The following SLC24A4 variants were observed in gnomAD, a reference collection of about 807,000 sequenced individuals.
SLC24A4 encodes the protein sodium/potassium/calcium exchanger 4.
In SLC24A4, 53 loss-of-function variants were observed where a neutral mutation model predicts 79.0. The observed-to-expected ratio is 0.67, with a 90% CI of 0.54 to 0.84. The LOEUF is 0.84. SLC24A4 is among the 40% of genes least tolerant of loss of function. The pLI is 0.00. For missense variants in SLC24A4, 731 were observed against 822.0 expected (o/e 0.89, Z 1.35); for synonymous variants, 323 against 323.8 (o/e 1.00, Z 0.03).
intron 2 of SLC24A4, among the ~76,000 whole-genome samples, chr14:92,372,753 C>T (rs1308458447): frequency 1.3e-5 from 2 of 152,124 alleles, no homozygotes; most frequent in Admixed American, 6.5e-5. Context: ...ACTTGTCCCT[C>T]ATGTGTCAAG....
chr14:92,410,495 A>G (rs1237466691), intron 2 of SLC24A4, among the ~76,000 whole-genome samples: 2 of 152,154 alleles, frequency 1.3e-5, no homozygotes, highest in African/African-American at 2.4e-5. Flanking sequence ...CTAGTTTTGT[A>G]AGGTACCTTT....
At chr14:92,354,932 C>T (rs553912401) in intron 2 of SLC24A4, among the ~76,000 whole-genome samples, 22 of 152,200 alleles carry the variant, frequency 1.4e-4, no homozygotes, top group Middle Eastern at 3.4e-3. Flanking sequence ...AAATTGGCCA[C>T]GGATGGTGGT....
intron 1 of SLC24A4, among the ~76,000 whole-genome samples, chr14:92,324,181 G>T (rs1022585718): frequency 4.6e-5 from 7 of 152,214 alleles, no homozygotes; most frequent in East Asian, 1.9e-4. Context: ...CCCCTGGGGG[G>T]GCTCAGGACG....
chr14:92,437,310 T>G (rs957316453), intron 3 of SLC24A4, among the ~76,000 whole-genome samples: 2 of 152,210 alleles, frequency 1.3e-5, no homozygotes, highest in Admixed American at 1.3e-4. Flanking sequence ...GATATTTTAC[T>G]GGCCAATTTG....
chr14:92,351,898 AAAGG>A (rs774953718), intron 2 of SLC24A4, among the ~76,000 whole-genome samples: 89 of 140,112 alleles, frequency 6.4e-4, no homozygotes, highest in Non-Finnish European at 1.1e-3. Context: ...GGAAGGAAGG[AAAGG>A]AAGGAAGGAA....
chr14:92,482,809 T>C lies in SLC24A4; in HGVS notation c.1385T>C (p.Leu462Pro). 2 of 1,613,720 alleles carry C rather than the reference T, an allele frequency of 1.2e-6. No homozygotes were observed. The highest frequency in any genetic ancestry group is 2.2e-5 in the South Asian group (2 of 91,044). The change falls in exon 13 of 17, where the codon CTG becomes CCG. Residue 462 changes from leucine (L) to proline (P), a missense_variant. Physicochemically the swap from Leu to Pro is moderately conservative, Grantham distance 98 (BLOSUM62 -3). Coordinates refer to ENST00000532405, the MANE Select transcript of SLC24A4 (RefSeq NM_153646.4). Reference protein sequence around the residue: ...FFMVTFITATLWIAVFSYIMV... With the variant: ...FFMVTFITATPWIAVFSYIMV... ...ATGGTCACCTTCATCACCGCCACGC[T>C]GTGGATCGCTGTGTTCTCCTACATC...
chr14:92,377,952 C>T (rs908378564), intron 2 of SLC24A4, among the ~76,000 whole-genome samples: 6 of 146,492 alleles, frequency 4.1e-5, no homozygotes, highest in East Asian at 2.0e-4. Flanking sequence ...AAAGGGGGGA[C>T]GATGAAGGTC....
rs768049387 is a variant in SLC24A4 at position 92,447,381 on chromosome 14, C to G, written c.694C>G (p.Leu232Val). Residue 232 changes from leucine (L) to valine (V), a missense_variant, in exon 9 of 17, where the codon CTG becomes GTG. Leu to Val is a conservative substitution (Grantham distance 32). Coordinates refer to ENST00000532405, the MANE Select transcript of SLC24A4 (RefSeq NM_153646.4). Reference sequence around the variant, plus strand: ...CTTTCTCTCTTTGAGGTGGGAAGGCCTGGTGCTCATCATCTTGTATGTGTT... The same window carrying G: ...CTTTCTCTCTTTGAGGTGGGAAGGCGTGGTGCTCATCATCTTGTATGTGTT... ...YDEQIVWWEG[L>V]VLIILYVFYI... The G allele has an allele frequency of 5.6e-6, 9 of 1,614,010 alleles. No individual in the cohort carries two copies. In the South Asian group the frequency reaches 9.9e-5, roughly 18 times the overall value.
chr14:92,354,449 C>T (rs1477713824), intron 2 of SLC24A4, among the ~76,000 whole-genome samples: 1 of 152,112 alleles, frequency 6.6e-6, no homozygotes, highest in Non-Finnish European at 1.5e-5. Flanking sequence ...CCATGCCTGG[C>T]CTGTAGCAGC....
At chr14:92,324,231 G>A (rs1180331692) in intron 1 of SLC24A4, among the ~76,000 whole-genome samples, 1 of 152,202 alleles carries the variant, frequency 6.6e-6, no homozygotes, top group Non-Finnish European at 1.5e-5. Context: ...AGCAAGAACC[G>A]CTTCCGTCCC....
chr14:92,469,050 C>A (rs1033409246), intron 12 of SLC24A4, among the ~76,000 whole-genome samples: 1 of 152,094 alleles, frequency 6.6e-6, no homozygotes, highest in African/African-American at 2.4e-5. Flanking sequence ...CAAAGATGCT[C>A]ACATCATTAG....
At chr14:92,435,217 G>C (rs1892101385) in intron 3 of SLC24A4, among the ~76,000 whole-genome samples, 1 of 152,140 alleles carries the variant, frequency 6.6e-6, no homozygotes, top group Non-Finnish European at 1.5e-5. Context: ...ATGGTGGAAG[G>C]GGGGTCAGGT....
chr14:92,324,193 G>T (rs547647548), intron 1 of SLC24A4, among the ~76,000 whole-genome samples: 1 of 152,322 alleles, frequency 6.6e-6, no homozygotes, highest in East Asian at 1.9e-4. Flanking sequence ...CTCAGGACGC[G>T]GCTGCAGGTG....
intron 2 of SLC24A4, among the ~76,000 whole-genome samples, chr14:92,392,816 T>C (rs1337529916): frequency 6.8e-6 from 1 of 146,154 alleles, no homozygotes; most frequent in Non-Finnish European, 1.6e-5. Flanking sequence ...AGGCGCCATC[T>C]GTGAGGAATA....
intron 2 of SLC24A4, among the ~76,000 whole-genome samples, chr14:92,363,760 G>T (rs1051116489): frequency 8.5e-5 from 13 of 152,108 alleles, no homozygotes; most frequent in Non-Finnish European, 1.2e-4. Context: ...AACCCGGGAG[G>T]TGCAGGTTGC....
intron 12 of SLC24A4, among the ~76,000 whole-genome samples, chr14:92,463,794 A>G (rs1379740369): frequency 1.3e-5 from 2 of 152,086 alleles, no homozygotes; most frequent in Non-Finnish European, 2.9e-5. Context: ...CCCCTCACCC[A>G]TAACTGCCCT....
At chr14:92,463,769 A>G (rs557887143) in intron 12 of SLC24A4, among the ~76,000 whole-genome samples, 9 of 152,196 alleles carry the variant, frequency 5.9e-5, no homozygotes, top group Non-Finnish European at 1.3e-4. Context: ...AACATTTCCA[A>G]CACCCCAAAA....
In SLC24A4 at chr14:92,469,846, C is replaced by T. The variant is rs115946527; in HGVS notation, c.1256-12834C>T. Among the ~76,000 whole-genome samples, 1,090 of 152,216 alleles carry T rather than the reference C, an allele frequency of 7.2e-3. 11 individuals carry two copies. The highest frequency in any genetic ancestry group is 0.024 in the African/African-American group (997 of 41,516). On this transcript the variant is annotated intron_variant, in intron 12 of 16. Coordinates refer to ENST00000532405, the MANE Select transcript of SLC24A4 (RefSeq NM_153646.4). ...ATGTTACAATTCCATTTATATGGAA[C>T]GCCCAGAATAGTCAAATCTATAGAG...
intron 8 of SLC24A4, 79 bp downstream of exon 8, chr14:92,445,421 C>A (rs1036284048): frequency 9.0e-5 from 129 of 1,438,870 alleles, no homozygotes; most frequent in Non-Finnish European, 3.2e-5. Flanking sequence ...TTCCCTGAAT[C>A]GTTTTAAAAA....
Sources: allele counts gnomAD v4.1 joint callset (sites outside exome capture counted in the v4.1 genomes callset), GRCh38; gene constraint gnomAD v4.1.1; transcripts MANE v1.5; gene names NCBI Gene and HGNC (gene_info 2026-07-23, HGNC 2026-07-21).